The following PSMA1 variants were observed in gnomAD, a reference collection of about 807,000 sequenced individuals.
PSMA1 encodes proteasome subunit alpha type-1.
In PSMA1, 3 loss-of-function variants were observed where a neutral mutation model predicts 38.4. That is an observed-to-expected ratio of 0.08 (90% confidence interval 0.04 to 0.20). The LOEUF is 0.20. Ranked by LOEUF, PSMA1 falls within the 10% of genes least tolerant of loss-of-function variation. The probability of loss-of-function intolerance (pLI) is 1.00; values close to 1 mark genes in which losing one functional copy is unlikely to be tolerated. For synonymous variants in PSMA1, 101 were observed against 107.1 expected (o/e 0.94, Z 0.35); for missense variants, 227 against 325.3 (o/e 0.70, Z 2.32).
chr11:14,624,192 G>A (rs1333218716), intron 1 of PSMA1, among the ~76,000 whole-genome samples: 2 of 152,186 alleles, frequency 1.3e-5, no homozygotes, highest in Non-Finnish European at 2.9e-5. Context: ...CAGCTGAAAC[G>A]TCAGCTCAGA....
At position 14,517,761 on chromosome 11, in the gene PSMA1, A is replaced by G. The variant is rs750798873; in HGVS notation, c.151-16T>C. 5 of 1,500,234 alleles carry G rather than the reference A, an allele frequency of 3.3e-6. No individual in the cohort carries two copies. The highest frequency in any genetic ancestry group is 4.5e-6 in the Non-Finnish European group (5 of 1,123,444). 92.9% of individuals were successfully genotyped at this position (1,500,234 alleles called of 1,614,324 possible). ...ATTGCGCCCTCTAAATAGAGACATT[A>G]TAAGATGTAAAAAAAAAAAAAAAAG... On this transcript the variant is annotated splice_polypyrimidine_tract_variant and intron_variant, in intron 3 of 9. Coordinates refer to ENST00000396394, the MANE Select transcript of PSMA1 (RefSeq NM_002786.4).
At chr11:14,634,647 A>G (rs183677941) in intron 1 of PSMA1, among the ~76,000 whole-genome samples, 1 of 152,122 alleles carries the variant, frequency 6.6e-6, no homozygotes, top group Non-Finnish European at 1.5e-5. Context: ...CATAGCCAAA[A>G]TTCAGGCTTT....
At chr11:14,509,589 C>T (rs1851306796) in intron 8 of PSMA1, among the ~76,000 whole-genome samples, 1 of 151,280 alleles carries the variant, frequency 6.6e-6, no homozygotes, top group Admixed American at 6.6e-5. Context: ...TTAATAGAGA[C>T]AGGGTTTCAT....
At chr11:14,536,092 G>A (rs924114730) in intron 2 of PSMA1, among the ~76,000 whole-genome samples, 11 of 152,156 alleles carry the variant, frequency 7.2e-5, no homozygotes, top group Non-Finnish European at 1.2e-4. Context: ...AGGTAATAGT[G>A]AAAAGCACAG....
At chr11:14,510,116 A>G (rs1166023259) in intron 8 of PSMA1, among the ~76,000 whole-genome samples, 1 of 152,192 alleles carries the variant, frequency 6.6e-6, no homozygotes, top group Admixed American at 6.5e-5. Flanking sequence ...CAGCCCACCC[A>G]GAGTAAAATG....
intron 4 of PSMA1, among the ~76,000 whole-genome samples, chr11:14,516,115 CAGA>C (rs531083475): frequency 7.7e-4 from 117 of 151,460 alleles, no homozygotes; most frequent in African/African-American, 2.8e-3. Flanking sequence ...GAGGCTGAGG[CAGA>C]AGAATTCCTT....
At position 14,585,527 on chromosome 11, in the gene PSMA1, C is replaced by T. The variant is rs376176949; in HGVS notation, c.21+25439G>A. Among the ~76,000 whole-genome samples, 32 of 152,244 alleles carry T rather than the reference C, an allele frequency of 2.1e-4. No homozygotes were observed. The East Asian group carries it at 6.0e-3, about 28-fold the overall frequency. ...GTCCCCTTTTAAGAACTTCAGAGAA[C>T]CCTAGCTAAGCCTATGTTCTCAGTA... is the stretch of plus-strand genomic sequence containing the variant. On this transcript the variant is annotated intron_variant, in intron 2 of 10. Transcript: ENST00000418988.
intron 1 of PSMA1, among the ~76,000 whole-genome samples, chr11:14,634,332 T>A (rs1397751479): frequency 2.6e-5 from 4 of 152,182 alleles, no homozygotes; most frequent in Non-Finnish European, 4.4e-5. Flanking sequence ...TACAACTGAT[T>A]CTATCCCAAC....
At chr11:14,630,941 G>T (rs1852996632) in intron 1 of PSMA1, among the ~76,000 whole-genome samples, 1 of 152,192 alleles carries the variant, frequency 6.6e-6, no homozygotes, top group African/African-American at 2.4e-5. Context: ...AGATTTTCTA[G>T]TTTATTTGCG....
intron 1 of PSMA1, among the ~76,000 whole-genome samples, chr11:14,629,284 G>A (rs1373804845): frequency 6.6e-6 from 1 of 151,852 alleles, no homozygotes; most frequent in Non-Finnish European, 1.5e-5. Flanking sequence ...TTTCTTCTAG[G>A]GTTTTTATGG....
intron 1 of PSMA1, among the ~76,000 whole-genome samples, chr11:14,618,180 A>C (rs1027874943): frequency 2.0e-5 from 3 of 152,172 alleles, no homozygotes; most frequent in African/African-American, 7.2e-5. Context: ...AATTATCGAG[A>C]AATGTGATTA....
intron 1 of PSMA1, among the ~76,000 whole-genome samples, chr11:14,621,730 T>C (rs1565060483): frequency 6.6e-6 from 1 of 152,240 alleles, no homozygotes; most frequent in African/African-American, 2.4e-5. Context: ...AAACCTCACA[T>C]TCTCAGAAAA....
At chr11:14,636,587 C>T (rs1853115929) in intron 1 of PSMA1, among the ~76,000 whole-genome samples, 1 of 152,202 alleles carries the variant, frequency 6.6e-6, no homozygotes, top group African/African-American at 2.4e-5. Context: ...CCAATCTATA[C>T]CTCTAGCCCA....
At chr11:14,524,064 A>C (rs115554622), upstream of PSMA1, among the ~76,000 whole-genome samples, 1 of 126,436 alleles carries the variant, frequency 7.9e-6, no homozygotes, top group African/African-American at 3.0e-5. Flanking sequence ...AGAATTGCTT[A>C]GGGCCAGGAG....
chr11:14,610,031 G>A (rs1852691764), intron 2 of PSMA1, among the ~76,000 whole-genome samples: 1 of 152,134 alleles, frequency 6.6e-6, no homozygotes. Context: ...GGCAGTCACA[G>A]CCAATTTTCA....
intron 1 of PSMA1, among the ~76,000 whole-genome samples, chr11:14,623,855 A>G (rs1852880912): frequency 6.6e-6 from 1 of 152,188 alleles, no homozygotes; most frequent in African/African-American, 2.4e-5. Context: ...CAATGCTGTT[A>G]TATCACTATT....
At chr11:14,584,491 G>GTTTTTT (rs1442575192) in intron 2 of PSMA1, among the ~76,000 whole-genome samples, 1 of 134,088 alleles carries the variant, frequency 7.5e-6, no homozygotes, top group African/African-American at 3.0e-5. Flanking sequence ...GGTTTGGAGT[G>GTTTTTT]TTTTTTTTGT....
At position 14,636,521 on chromosome 11, in the gene PSMA1, T is replaced by C. The variant is rs976834571; in HGVS notation, c.-166+6934A>G. Among the ~76,000 whole-genome samples, 4 of 152,170 alleles carry C rather than the reference T, an allele frequency of 2.6e-5. No homozygotes were observed. In the East Asian group the frequency reaches 5.8e-4, roughly 22 times the overall value. On this transcript the variant is annotated intron_variant, in intron 1 of 10. Coordinates refer to the PSMA1 transcript ENST00000418988. ...TCTCTTCTCACACTATATACTCTCA[T>C]AGGGGATATCTCTTTTTCTCCCAGG...
At chr11:14,638,284 C>T (rs1279418653) in intron 1 of PSMA1, among the ~76,000 whole-genome samples, 1 of 152,008 alleles carries the variant, frequency 6.6e-6, no homozygotes, top group Non-Finnish European at 1.5e-5. Flanking sequence ...CACGAAGTCA[C>T]ATTATTTACT....
Sources: allele counts gnomAD v4.1 joint callset (sites outside exome capture counted in the v4.1 genomes callset), GRCh38; gene constraint gnomAD v4.1.1; transcripts MANE v1.5; gene names NCBI Gene and HGNC (gene_info 2026-07-23, HGNC 2026-07-21).